Variants in PLCL1 observed in about 807,000 individuals in gnomAD.
The protein encoded by PLCL1 is inactive phospholipase C-like protein 1.
Under a neutral mutation model 84.4 loss-of-function variants are expected in PLCL1, and 41 were observed. The ratio of observed to expected loss-of-function variants is 0.49; its 90% CI spans 0.38 to 0.63. The LOEUF is 0.63. Among genes scored for constraint, PLCL1 ranks in the 30% least tolerant of loss-of-function variants. PLCL1 has a pLI of 0.00. For synonymous variants in PLCL1, 490 were observed against 488.3 expected (o/e 1.00, Z -0.05); for missense variants, 1,206 against 1,367.8 (o/e 0.88, Z 1.87).
intron 1 of PLCL1, among the ~76,000 whole-genome samples, chr2:197,948,180 T>C (rs993761289): frequency 6.6e-6 from 1 of 152,098 alleles, no homozygotes; most frequent in Non-Finnish European, 1.5e-5. Flanking sequence ...GATGGGAGGA[T>C]ATGAGCAGTG....
chr2:197,945,703 A>G (rs1315892760), intron 1 of PLCL1, among the ~76,000 whole-genome samples: 1 of 152,122 alleles, frequency 6.6e-6, no homozygotes, highest in Non-Finnish European at 1.5e-5. Flanking sequence ...GAAATTCCTC[A>G]TCAGTTTGTT....
At chr2:197,875,566 G>A (rs978810374) in intron 1 of PLCL1, among the ~76,000 whole-genome samples, 2 of 152,014 alleles carry the variant, frequency 1.3e-5, no homozygotes, top group Non-Finnish European at 2.9e-5. Context: ...ACTTTGCTGT[G>A]TGTGTGATAT....
At chr2:198,056,613 C>T (rs555408530) in intron 1 of PLCL1, among the ~76,000 whole-genome samples, 6 of 152,252 alleles carry the variant, frequency 3.9e-5, no homozygotes, top group Admixed American at 2.6e-4. Context: ...AAAATAGGAT[C>T]GTGTGTGTAA....
At chr2:197,972,740 T>G (rs903072303) in intron 1 of PLCL1, among the ~76,000 whole-genome samples, 1 of 152,198 alleles carries the variant, frequency 6.6e-6, no homozygotes, top group Non-Finnish European at 1.5e-5. Context: ...TAAAACAAAT[T>G]ATTATTTTTG....
At chr2:197,963,730 A>C (rs749982562) in intron 1 of PLCL1, among the ~76,000 whole-genome samples, 1 of 152,128 alleles carries the variant, frequency 6.6e-6, no homozygotes, top group South Asian at 2.1e-4. Flanking sequence ...TCTTAGATTT[A>C]AGTCTTTAAT....
At position 197,840,573 on chromosome 2, in the gene PLCL1, A is replaced by G. The variant is rs116839119; in HGVS notation, c.240+35234A>G. On this transcript the variant is annotated intron_variant, in intron 1 of 5. Transcript: ENST00000428675. ...GGGTAAGGCATTTTGGCACGACTCA[A>G]ACTGGTCCATTTTATTTCAAATAAG... Among the ~76,000 whole-genome samples, 1,027 of 152,192 alleles carry G rather than the reference A, an allele frequency of 6.7e-3. 12 individuals carry two copies. Among genetic ancestry groups the G allele is most frequent in the African/African-American group, 0.024 (984 of 41,520 alleles).
chr2:198,035,786 G>A (rs1444169596), intron 1 of PLCL1, among the ~76,000 whole-genome samples: 3 of 152,206 alleles, frequency 2.0e-5, no homozygotes, highest in African/African-American at 7.2e-5. Flanking sequence ...TGTAATCCCA[G>A]CACTTTGGGA....
intron 5 of PLCL1, among the ~76,000 whole-genome samples, chr2:198,140,989 C>T (rs889385619): frequency 6.6e-6 from 1 of 151,978 alleles, no homozygotes; most frequent in Non-Finnish European, 1.5e-5. Flanking sequence ...GTGTAATTCT[C>T]TTCATGTTCC....
chr2:197,955,120 A>T (rs545348913), intron 1 of PLCL1, among the ~76,000 whole-genome samples: 1 of 152,192 alleles, frequency 6.6e-6, no homozygotes, highest in East Asian at 1.9e-4. Context: ...TAGTTTAAGC[A>T]TCTGTTACCA....
chr2:197,971,111 C>G (rs1338319708), intron 1 of PLCL1, among the ~76,000 whole-genome samples: 2 of 152,108 alleles, frequency 1.3e-5, no homozygotes, highest in Non-Finnish European at 2.9e-5. Flanking sequence ...CAAAGAAGTC[C>G]CTGTTTGTTC....
chr2:198,019,284 G>A (rs1559075795), intron 1 of PLCL1, among the ~76,000 whole-genome samples: 1 of 152,032 alleles, frequency 6.6e-6, no homozygotes, highest in South Asian at 2.1e-4. Flanking sequence ...GGAAAATCCA[G>A]CATAAAAAGG....
intron 1 of PLCL1, among the ~76,000 whole-genome samples, chr2:198,058,210 T>C (rs1314859187): frequency 1.3e-5 from 2 of 152,194 alleles, no homozygotes; most frequent in African/African-American, 2.4e-5. Context: ...ATTTTTGTGA[T>C]ACTGGTTGAA....
chr2:198,042,252 G>A (rs776558292), intron 1 of PLCL1, among the ~76,000 whole-genome samples: 1 of 152,190 alleles, frequency 6.6e-6, no homozygotes, highest in Non-Finnish European at 1.5e-5. Context: ...TTCTGATACT[G>A]CTGAACTGCT....
intron 1 of PLCL1, among the ~76,000 whole-genome samples, chr2:197,858,819 G>A (rs574011190): frequency 6.6e-6 from 1 of 152,228 alleles, no homozygotes; most frequent in Non-Finnish European, 1.5e-5. Flanking sequence ...TTCTTCTGCT[G>A]ATCTGGCCTT....
chr2:197,811,196 T>G (rs1372655525), intron 1 of PLCL1, among the ~76,000 whole-genome samples: 12 of 152,258 alleles, frequency 7.9e-5, no homozygotes, highest in African/African-American at 2.9e-4. Flanking sequence ...ATGATTATAC[T>G]AAACTGACAA....
intron 1 of PLCL1, among the ~76,000 whole-genome samples, chr2:197,945,251 G>A (rs1518364): frequency 0.48 from 73,432 of 151,874 alleles, 18,165 homozygotes; most frequent in Middle Eastern, 0.58. Flanking sequence ...TAAAAGATGC[G>A]GGGAGAATGT....
intron 3 of PLCL1, among the ~76,000 whole-genome samples, chr2:198,091,453 G>T (rs1453826446): frequency 1.3e-5 from 2 of 152,010 alleles, no homozygotes; most frequent in Non-Finnish European, 2.9e-5. Context: ...GCCGAGGCGG[G>T]TGGATCACCT....
intron 5 of PLCL1, among the ~76,000 whole-genome samples, chr2:198,126,521 C>T (rs1693988762): frequency 6.6e-6 from 1 of 152,140 alleles, no homozygotes; most frequent in African/African-American, 2.4e-5. Context: ...GGAACCATCC[C>T]TACGTTAGCG....
intron 1 of PLCL1, among the ~76,000 whole-genome samples, chr2:198,035,543 G>T (rs149482287): frequency 1.9e-3 from 294 of 152,222 alleles, no homozygotes; most frequent in African/African-American, 6.7e-3. Flanking sequence ...AAGAATGATG[G>T]GGACATGTCA....
Sources: gnomAD v4.1 joint callset for allele counts (sites outside exome capture counted in the v4.1 genomes callset) on GRCh38, gnomAD v4.1.1 for gene constraint, MANE v1.5 for transcripts, NCBI Gene and HGNC (gene_info 2026-07-23, HGNC 2026-07-21) for gene names.